Variants in FARP1 observed in about 807,000 individuals in gnomAD.
The protein encoded by FARP1 is FERM, ARHGEF and pleckstrin domain-containing protein 1.
A neutral mutation model predicts 128.8 loss-of-function variants in FARP1; 52 were observed. That is an observed-to-expected ratio of 0.40 (90% CI 0.32 to 0.51). FARP1 has a LOEUF of 0.51. Among genes scored for constraint, FARP1 ranks in the 20% least tolerant of loss-of-function variants. FARP1 has a pLI of 0.45. For missense variants in FARP1, 1,333 were observed against 1,367.9 expected (o/e 0.97, Z 0.40); for synonymous variants, 580 against 551.8 (o/e 1.05, Z -0.72).
intron 17 of FARP1, among the ~76,000 whole-genome samples, chr13:98,428,427 GT>G (rs1276182038): frequency 5.9e-5 from 9 of 152,014 alleles, no homozygotes; most frequent in Admixed American, 5.2e-4. Flanking sequence ...CTGGCTCTCT[GT>G]TTTCTTCCTG....
chr13:98,277,149 C>CA (rs1566824323), intron 2 of FARP1, among the ~76,000 whole-genome samples: 2,088 of 113,186 alleles, frequency 0.018, 49 homozygotes, highest in African/African-American at 0.053. Flanking sequence ...CACACACACA[C>CA]CCCATATGTA....
intron 1 of FARP1, among the ~76,000 whole-genome samples, chr13:98,208,826 T>A (rs564137670): frequency 2.0e-5 from 3 of 152,190 alleles, no homozygotes; most frequent in African/African-American, 7.2e-5. Flanking sequence ...AGCCCTTGTG[T>A]CTATGGTGAC....
intron 2 of FARP1, chr13:98,329,749 C>T (rs1193848267): frequency 6.6e-6 from 1 of 152,168 alleles, no homozygotes; most frequent in African/African-American, 2.4e-5. Context: ...ATTATGGTCT[C>T]TCCATGGGAA....
intron 2 of FARP1, among the ~76,000 whole-genome samples, chr13:98,287,039 A>G (rs994925450): frequency 6.6e-6 from 1 of 152,110 alleles, no homozygotes; most frequent in African/African-American, 2.4e-5. Context: ...TTTTCATGAC[A>G]TGCTCCCAAT....
chr13:98,446,599 G>A (rs1892850277), intron 25 of FARP1, 67 bp from the exon 26 acceptor site: 2 of 1,546,474 alleles, frequency 1.3e-6, no homozygotes, highest in Non-Finnish European at 1.8e-6. Flanking sequence ...CTGATGCGGG[G>A]CAGCAGCCAG....
At chr13:98,309,223 G>A (rs1458732785) in intron 2 of FARP1, among the ~76,000 whole-genome samples, 3 of 126,224 alleles carry the variant, frequency 2.4e-5, no homozygotes, top group African/African-American at 9.3e-5. Flanking sequence ...CGGGAGTGCA[G>A]TGGCGCAATC....
rs184286251 is a variant in FARP1, at chr13:98,276,429, A to G, written c.171+63016A>G. On this transcript the variant is annotated intron_variant, in intron 2 of 26. Coordinates refer to ENST00000319562, the MANE Select transcript of FARP1 (RefSeq NM_005766.4). ...CATAATATTATGGCATAACAGTTGA[A>G]AAAAAGCAAAACACAAGATTATAGG... Among the ~76,000 whole-genome samples the G allele has an allele frequency of 3.1e-3, 474 of 152,330 alleles. 4 individuals carry two copies. Among genetic ancestry groups the G allele is most frequent in the African/African-American group, 0.011 (454 of 41,566 alleles).
chr13:98,160,929 T>C (rs957284006), intron 1 of FARP1, among the ~76,000 whole-genome samples: 1 of 152,098 alleles, frequency 6.6e-6, no homozygotes, highest in African/African-American at 2.4e-5. Context: ...TCCACCCGCT[T>C]AACCTCCCAA....
intron 2 of FARP1, chr13:98,244,663 G>T: frequency 6.2e-7 from 1 of 1,614,232 alleles, no homozygotes; most frequent in Non-Finnish European, 8.5e-7. Context: ...GCTGGAAGTA[G>T]AAGCTTAGCG....
intron 2 of FARP1, among the ~76,000 whole-genome samples, chr13:98,288,584 A>G (rs938040629): frequency 8.5e-5 from 13 of 152,136 alleles, no homozygotes; most frequent in Non-Finnish European, 1.8e-4. Flanking sequence ...GTCTCCTTTA[A>G]ATAGATTCTG....
At chr13:98,390,254 G>A (rs1361534245) in intron 10 of FARP1, 134 bp downstream of exon 10, 2 of 947,898 alleles carry the variant, frequency 2.1e-6, no homozygotes, top group East Asian at 2.4e-5. Flanking sequence ...AAGCGGGGGC[G>A]CTTGTATCTT....
At chr13:98,381,155 T>C (rs748264148) in intron 6 of FARP1, among the ~76,000 whole-genome samples, 2 of 152,200 alleles carry the variant, frequency 1.3e-5, no homozygotes, top group Non-Finnish European at 2.9e-5. Context: ...ACACATAATA[T>C]TCTTAAAATC....
chr13:98,422,818 T>C (rs1298995630), intron 16 of FARP1, among the ~76,000 whole-genome samples: 1 of 152,158 alleles, frequency 6.6e-6, no homozygotes, highest in Non-Finnish European at 1.5e-5. Flanking sequence ...TGGAAGCCAT[T>C]TCTCGCGTTG....
chr13:98,153,527 ATATT>A (rs1326512141), intron 1 of FARP1, among the ~76,000 whole-genome samples: 19 of 123,794 alleles, frequency 1.5e-4, no homozygotes, highest in African/African-American at 5.5e-4. Flanking sequence ...ATTTATATAT[ATATT>A]ATATATAAAT....
At chr13:98,153,519 T>G (rs12017271) in intron 1 of FARP1, among the ~76,000 whole-genome samples, 11 of 21,126 alleles carry the variant, frequency 5.2e-4, no homozygotes, top group African/African-American at 5.7e-4. Context: ...AAATATATAT[T>G]TATATATATA....
intron 19 of FARP1, among the ~76,000 whole-genome samples, chr13:98,438,377 G>A (rs1020195295): frequency 1.4e-4 from 22 of 152,168 alleles, no homozygotes; most frequent in Non-Finnish European, 2.5e-4. Context: ...GAACTGCTTG[G>A]GGTCCTTCTG....
rs1461620317 is a variant in FARP1, at chr13:98,188,287, C to G, written c.-23-24933C>G. Reference sequence around the variant, plus strand: ...AGAAGTTTCAGGCCGGGTGCGGTGGCTCACACCTGTAATCCCAGCACTTTG... The same window carrying G: ...AGAAGTTTCAGGCCGGGTGCGGTGGGTCACACCTGTAATCCCAGCACTTTG... On this transcript the variant is annotated intron_variant, in intron 1 of 26. Transcript: ENST00000319562. Among the ~76,000 whole-genome samples, 5 of 152,164 alleles carry G rather than the reference C, an allele frequency of 3.3e-5. No individual in the cohort carries two copies. In the East Asian group the frequency reaches 9.6e-4, roughly 29 times the overall value.
intron 2 of FARP1, among the ~76,000 whole-genome samples, chr13:98,288,527 C>A (rs979231667): frequency 2.6e-5 from 4 of 152,168 alleles, no homozygotes; most frequent in African/African-American, 9.7e-5. Flanking sequence ...GCGCTTGTGG[C>A]CTCACTGTGT....
intron 16 of FARP1, among the ~76,000 whole-genome samples, chr13:98,423,378 A>T (rs1449597449): frequency 6.6e-6 from 1 of 152,068 alleles, no homozygotes; most frequent in Non-Finnish European, 1.5e-5. Context: ...CACTTTGAAG[A>T]TCTCTCACTT....
Sources: gnomAD v4.1 joint callset for allele counts (sites outside exome capture counted in the v4.1 genomes callset) on GRCh38, gnomAD v4.1.1 for gene constraint, MANE v1.5 for transcripts, NCBI Gene and HGNC (gene_info 2026-07-23, HGNC 2026-07-21) for gene names.